The following KCNH7 variants were observed in gnomAD, a reference collection of about 807,000 sequenced individuals.
KCNH7 encodes the protein potassium voltage-gated channel subfamily H member 7, also known as voltage-gated inwardly rectifying potassium channel KCNH7.
Under a neutral mutation model 120.8 loss-of-function variants are expected in KCNH7, and 49 were observed. The observed-to-expected ratio is 0.41, with a 90% CI of 0.32 to 0.51. The LOEUF is 0.51. Ranked by LOEUF, KCNH7 falls within the 20% of genes least tolerant of loss-of-function variation. The pLI is 0.38. For synonymous variants in KCNH7, 547 were observed against 516.1 expected (o/e 1.06, Z -0.81); for missense variants, 1,097 against 1,446.6 (o/e 0.76, Z 3.92).
intron 2 of KCNH7, among the ~76,000 whole-genome samples, chr2:162,686,977 T>C (rs1226456208): frequency 2.6e-5 from 4 of 152,140 alleles, no homozygotes; most frequent in Non-Finnish European, 5.9e-5. Context: ...AGAGGAGTTG[T>C]GGCTGCTAAC....
chr2:162,558,971 C>T (rs190525494), intron 2 of KCNH7, among the ~76,000 whole-genome samples: 2 of 141,110 alleles, frequency 1.4e-5, no homozygotes, highest in East Asian at 2.2e-4. Flanking sequence ...AGGAGAATGG[C>T]GTGAACCCGG....
intron 2 of KCNH7, among the ~76,000 whole-genome samples, chr2:162,679,710 T>C (rs1685650086): frequency 6.6e-6 from 1 of 151,654 alleles, no homozygotes; most frequent in Non-Finnish European, 1.5e-5. Flanking sequence ...TACAGTGTTG[T>C]TTTTAATTAT....
chr2:162,730,040 T>C (rs1186440776), intron 2 of KCNH7, among the ~76,000 whole-genome samples: 1 of 151,400 alleles, frequency 6.6e-6, no homozygotes, highest in Non-Finnish European at 1.5e-5. Flanking sequence ...TTAAAAAATA[T>C]GTAAATACAA....
chr2:162,601,673 T>G (rs1248683677), intron 2 of KCNH7, among the ~76,000 whole-genome samples: 1 of 152,048 alleles, frequency 6.6e-6, no homozygotes, highest in African/African-American at 2.4e-5. Flanking sequence ...GCATAGCTGA[T>G]CAAAGTTAAG....
At chr2:162,413,066 T>G (rs1687436567) in intron 9 of KCNH7, among the ~76,000 whole-genome samples, 1 of 152,124 alleles carries the variant, frequency 6.6e-6, no homozygotes. Context: ...AAAATAAGAT[T>G]AGTAAGTGTC....
chr2:162,396,801 A>C lies in KCNH7; in HGVS notation c.2552T>G (p.Phe851Cys). 1 of 1,611,880 alleles carries C rather than the reference A, an allele frequency of 6.2e-7. No homozygotes were observed. Among genetic ancestry groups the C allele is most frequent in the Non-Finnish European group, 8.5e-7 (1 of 1,178,774 alleles). ...TAGGTTTGTTAGAAAGTGATCAGAA[A>C]ACTCAGGATACATATCCAAAACCTC... ...LLEVLDMYPE[F>C]SDHFLTNLEL... Residue 851 changes from phenylalanine (F) to cysteine (C), a missense_variant, in exon 11 of 16, where the codon TTT (phenylalanine) becomes TGT (cysteine). Transcript: ENST00000332142.
chr2:162,473,077 A>G (rs1689614740), intron 6 of KCNH7, among the ~76,000 whole-genome samples: 1 of 151,302 alleles, frequency 6.6e-6, no homozygotes, highest in Admixed American at 6.6e-5. Flanking sequence ...GTTGTGGGGT[A>G]GGGGGAGAGG....
chr2:162,728,366 T>A (rs922220575), intron 2 of KCNH7, among the ~76,000 whole-genome samples: 1 of 152,220 alleles, frequency 6.6e-6, no homozygotes, highest in African/African-American at 2.4e-5. Flanking sequence ...GTTTTTTATA[T>A]TTTCTTTATA....
At chr2:162,534,017 T>A (rs777371134) in intron 3 of KCNH7, among the ~76,000 whole-genome samples, 1 of 151,358 alleles carries the variant, frequency 6.6e-6, no homozygotes, top group Non-Finnish European at 1.5e-5. Flanking sequence ...TAACAAAAAA[T>A]AATACTTTAA....
intron 6 of KCNH7, among the ~76,000 whole-genome samples, chr2:162,453,734 T>G (rs895290392): frequency 6.6e-6 from 1 of 152,198 alleles, no homozygotes; most frequent in Non-Finnish European, 1.5e-5. Flanking sequence ...CTTTTTTTCA[T>G]ATGTTTCTTG....
Position 162,518,181 on chromosome 2 carries a change from G to A in KCNH7, c.464-23C>T, listed in dbSNP as rs374098449. 14 of 1,555,118 alleles carry A rather than the reference G, an allele frequency of 9.0e-6. No homozygotes were observed. In the African/African-American group the frequency reaches 1.1e-4, roughly 12 times the overall value. ...TCCCTATAAATGGAGACAGGAGAGA[G>A]CATTATTATAAGGCAAATGATATAT... On this transcript the variant is annotated intron_variant, in intron 3 of 15. Coordinates refer to ENST00000332142, the MANE Select transcript of KCNH7 (RefSeq NM_033272.4).
rs1686924047 is a variant in KCNH7, at chr2:162,396,798, G to T, written c.2555C>A (p.Ser852Tyr). Reference protein sequence around the residue: ...LEVLDMYPEFSDHFLTNLELT... With the variant: ...LEVLDMYPEFYDHFLTNLELT... ...CTCTAGGTTTGTTAGAAAGTGATCA[G>T]AAAACTCAGGATACATATCCAAAAC... Residue 852 changes from serine (S) to tyrosine (Y), a missense_variant, in exon 11 of 16, where the codon TCT becomes TAT. This residue lies in a region of KCNH7 where 406 missense variants were observed against 410.5 expected (regional missense o/e 0.99). Transcript: ENST00000332142. 6.8e-6 allele frequency: 11 copies of T among 1,611,790 alleles called. No individual in the cohort carries two copies. Among genetic ancestry groups the T allele is most frequent in the Non-Finnish European group, 9.3e-6 (11 of 1,178,742 alleles).
At chr2:162,485,630 A>G (rs1214262906) in intron 6 of KCNH7, among the ~76,000 whole-genome samples, 1 of 152,186 alleles carries the variant, frequency 6.6e-6, no homozygotes, top group African/African-American at 2.4e-5. Flanking sequence ...GTAGATTCTG[A>G]ACGTAGTAAG....
intron 2 of KCNH7, among the ~76,000 whole-genome samples, chr2:162,749,492 T>A (rs1688467735): frequency 6.6e-6 from 1 of 152,148 alleles, no homozygotes. Flanking sequence ...ATAAAAATAA[T>A]ACATAAGTAA....
rs528216664 is a variant in KCNH7 at position 162,525,610 on chromosome 2, A to G, written c.464-7452T>C. Among the ~76,000 whole-genome samples the G allele has an allele frequency of 2.8e-4, 43 of 152,118 alleles. 1 individual carries two copies. In the South Asian group the frequency reaches 8.9e-3, roughly 31 times the overall value. On this transcript the variant is annotated intron_variant, in intron 3 of 15. Coordinates refer to ENST00000332142, the MANE Select transcript of KCNH7 (RefSeq NM_033272.4). ...ATAAATCAATGCATGCAATACCCAT[A>G]CTTTCTTTTTGATAGATTTCTTCAT...
At chr2:162,809,343 T>C (rs948914692) in intron 2 of KCNH7, among the ~76,000 whole-genome samples, 4 of 152,310 alleles carry the variant, frequency 2.6e-5, no homozygotes, top group Admixed American at 2.6e-4. Flanking sequence ...TCTTTTGATG[T>C]GAATTTATGA....
intron 13 of KCNH7, among the ~76,000 whole-genome samples, chr2:162,384,170 GAAATAA>G (rs566456097): frequency 2.0e-5 from 3 of 151,494 alleles, no homozygotes; most frequent in Non-Finnish European, 2.9e-5. Context: ...ATTCCTTTTG[GAAATAA>G]AAATAAAAAT....
intron 2 of KCNH7, among the ~76,000 whole-genome samples, chr2:162,602,001 G>A (rs1303349018): frequency 6.6e-6 from 1 of 152,084 alleles, no homozygotes; most frequent in Non-Finnish European, 1.5e-5. Context: ...AGAGGAACTG[G>A]AAGTTGAAAT....
chr2:162,645,469 C>G (rs1684324351), intron 2 of KCNH7, among the ~76,000 whole-genome samples: 1 of 151,976 alleles, frequency 6.6e-6, no homozygotes, highest in Non-Finnish European at 1.5e-5. Flanking sequence ...AATTTTTAAA[C>G]AAAAAATTCA....
Sources: allele counts gnomAD v4.1 joint callset (sites outside exome capture counted in the v4.1 genomes callset), GRCh38; gene constraint gnomAD v4.1.1; regional missense constraint gnomAD v4.1.1; transcripts MANE v1.5; gene names NCBI Gene and HGNC (gene_info 2026-07-23, HGNC 2026-07-21).